Variants in PFKM observed in about 807,000 individuals in gnomAD.
The protein encoded by PFKM is phosphofructokinase, muscle.
A neutral mutation model predicts 95.5 loss-of-function variants in PFKM; 58 were observed. That is an observed-to-expected ratio of 0.61 (90% CI 0.49 to 0.76). The LOEUF (loss-of-function observed/expected upper bound fraction) is 0.76, where lower values mean the gene tolerates loss of function less well. PFKM is among the 30% of genes least tolerant of loss of function. The probability of loss-of-function intolerance (pLI) is 0.00; values close to 1 mark genes in which losing one functional copy is unlikely to be tolerated. For missense variants in PFKM, 678 were observed against 1,005.4 expected (o/e 0.67, Z 4.40); for synonymous variants, 336 against 357.2 (o/e 0.94, Z 0.67).
chr12:48,141,168 G>A (rs143113071), intron 14 of PFKM, 143 bp from the exon 15 acceptor site: 50 of 795,810 alleles, frequency 6.3e-5, no homozygotes, highest in East Asian at 5.3e-4. Flanking sequence ...AGTTGAGTGC[G>A]TGGGGAAAAG....
intron 4 of PFKM, chr12:48,132,081 T>C (rs774422062): frequency 8.8e-6 from 4 of 455,938 alleles, no homozygotes; most frequent in Non-Finnish European, 1.8e-5. Flanking sequence ...AGGCTCTACC[T>C]AGGTGCTAAG....
At position 48,145,090 on chromosome 12, in the gene PFKM, G is replaced by A; in HGVS notation, c.2052G>A (p.Met684Ile). ...CCACTAAGATGGGCGCCAAGGCTATGAACTGGATGTCTGGGAAAATCAAAG... is the reference window on the plus strand; with the variant it reads ...CCACTAAGATGGGCGCCAAGGCTATAAACTGGATGTCTGGGAAAATCAAAG... ...NFATKMGAKA[M>I]NWMSGKIKES... Residue 684 changes from methionine (M) to isoleucine (I), a missense_variant, in exon 21 of 23, where the codon ATG (methionine) becomes ATA (isoleucine). Coordinates refer to ENST00000359794, the MANE Select transcript of PFKM (RefSeq NM_000289.6). The surrounding 1 kb of genome is among the most constrained non-coding windows in gnomAD (Gnocchi z 4.3). The A allele has an allele frequency of 3.1e-6, 5 of 1,614,182 alleles. No individual in the cohort carries two copies. Among genetic ancestry groups the A allele is most frequent in the Non-Finnish European group, 4.2e-6 (5 of 1,180,016 alleles).
At chr12:48,135,637 T>G (rs1374823979) in intron 10 of PFKM, among the ~76,000 whole-genome samples, 1 of 152,216 alleles carries the variant, frequency 6.6e-6, no homozygotes, top group Non-Finnish European at 1.5e-5. Flanking sequence ...GTTTCATATA[T>G]TTTTAATACG....
chr12:48,135,076 T>C (rs767601535), intron 9 of PFKM, 38 bp downstream of exon 9: 4 of 1,462,218 alleles, frequency 2.7e-6, no homozygotes, highest in Admixed American at 1.7e-5. Context: ...TTAGAATCCA[T>C]AGCCCATTCC....
chr12:48,121,159 G>T (rs979246123), intron 1 of PFKM, among the ~76,000 whole-genome samples: 30 of 152,184 alleles, frequency 2.0e-4, no homozygotes, highest in African/African-American at 6.8e-4. Context: ...ATCAGTGAAG[G>T]TTTAATAAGG....
chr12:48,115,952 C>G (rs1366001683), upstream of PFKM, among the ~76,000 whole-genome samples: 2 of 152,082 alleles, frequency 1.3e-5, no homozygotes, highest in South Asian at 2.1e-4. Flanking sequence ...AGGTATATAC[C>G]TAGGAGTGGA....
In PFKM at chr12:48,106,000, C is replaced by G. The variant is rs558353115; in HGVS notation, c.-147C>G. On this transcript the variant is annotated 5_prime_UTR_variant, in exon 1 of 25. Coordinates refer to the PFKM transcript ENST00000340802. ...GGACCAGGCTCCCTCCATCCTCACCCCTCCCCCAGCTTCCCGCCGCCACTC... is the reference window on the plus strand; with the variant it reads ...GGACCAGGCTCCCTCCATCCTCACCGCTCCCCCAGCTTCCCGCCGCCACTC... 41 of 700,772 alleles carry G rather than the reference C, an allele frequency of 5.9e-5. No individual in the cohort carries two copies. The East Asian group carries it at 9.4e-4, about 16-fold the overall frequency. 43.4% of individuals were successfully genotyped at this position (700,772 alleles called of 1,614,324 possible).
chr12:48,143,315 A>C (rs1950739041), intron 18 of PFKM, among the ~76,000 whole-genome samples: 1 of 152,236 alleles, frequency 6.6e-6, no homozygotes, highest in South Asian at 2.1e-4. Flanking sequence ...TGGTTGAGAA[A>C]GTCAGTGATC....
At position 48,131,327 on chromosome 12, in the gene PFKM, C is replaced by T. The variant is rs1949456909; in HGVS notation, c.171C>T (p.Gly57=). The T allele has an allele frequency of 6.2e-7, 1 of 1,611,382 alleles. No individual in the cohort carries two copies. Among genetic ancestry groups the T allele is most frequent in the Non-Finnish European group, 8.5e-7 (1 of 1,177,566 alleles). ...RVFFVHEGYQ[G]LVDGGDHIKE... ...AATGTGTCACACAGGGTTATCAAGG[C>T]CTGGTGGATGGTGGAGATCACATCA... The change falls in exon 4 of 23, where the codon GGC becomes GGT. Residue 57 remains glycine (G), a synonymous_variant. Transcript: ENST00000359794.
At chr12:48,137,699 T>C in intron 10 of PFKM, 22 bp from the exon 11 acceptor site, 1 of 1,614,062 alleles carries the variant, frequency 6.2e-7, no homozygotes, top group Non-Finnish European at 8.5e-7. Context: ...CCAGACTGTC[T>C]TTGTTCTCTG....
Position 48,134,221 on chromosome 12 carries a change from A to G in PFKM, c.594-11A>G, listed in dbSNP as rs770360406. On this transcript the variant is annotated splice_polypyrimidine_tract_variant and intron_variant, in intron 6 of 22. Coordinates refer to ENST00000359794, the MANE Select transcript of PFKM (RefSeq NM_000289.6). ...GTCACTTGGACTGTGTCATATGTCT[A>G]TCTCTTGCAGCCACCAGAGGACATT... 4.3e-5 allele frequency: 69 copies of G among 1,612,938 alleles called. No homozygotes were observed. Among genetic ancestry groups the G allele is most frequent in the Admixed American group, 2.0e-4 (12 of 59,998 alleles).
intron 3 of PFKM, chr12:48,108,342 GAGAGAGAA>G (rs1308673181): frequency 1.7e-6 from 1 of 585,210 alleles, no homozygotes; most frequent in African/African-American, 1.9e-5. Context: ...GAAACAGAGA[GAGAGAGAA>G]AGAGAGAGAG....
chr12:48,135,095 T>C (rs2135921409), intron 9 of PFKM, 57 bp downstream of exon 9: 2 of 1,364,952 alleles, frequency 1.5e-6, no homozygotes, highest in Non-Finnish European at 2.1e-6. Context: ...CCCTTCTGGC[T>C]TCTGAGTCTC....
chr12:48,113,743 A>G (rs970245742), intron 3 of PFKM, among the ~76,000 whole-genome samples: 2 of 152,160 alleles, frequency 1.3e-5, no homozygotes, highest in East Asian at 1.9e-4. Flanking sequence ...CCTCTACTCT[A>G]TTATTGTACA....
At chr12:48,113,120 G>A (rs941755135) in intron 3 of PFKM, among the ~76,000 whole-genome samples, 2 of 152,152 alleles carry the variant, frequency 1.3e-5, no homozygotes, top group Non-Finnish European at 2.9e-5. Flanking sequence ...CAAGGGAACT[G>A]GGCAGGTGGG....
chr12:48,112,692 G>A (rs189805350), intron 3 of PFKM, among the ~76,000 whole-genome samples: 10 of 152,300 alleles, frequency 6.6e-5, no homozygotes, highest in Admixed American at 3.3e-4. Flanking sequence ...GGCACCACGG[G>A]GTGGATAAGC....
chr12:48,123,491 A>G (rs1003591764), intron 2 of PFKM, among the ~76,000 whole-genome samples: 3 of 152,058 alleles, frequency 2.0e-5, no homozygotes, highest in African/African-American at 7.3e-5. Context: ...AAAATTAGGT[A>G]TATAGGAAAC....
intron 2 of PFKM, among the ~76,000 whole-genome samples, chr12:48,129,506 C>T (rs137886774): frequency 3.5e-3 from 531 of 152,246 alleles, no homozygotes; most frequent in South Asian, 9.5e-3. Flanking sequence ...GCCAGGAGAA[C>T]GCAGTGAGAG....
chr12:48,107,284 A>C, intron 1 of PFKM: 1 of 839,138 alleles, frequency 1.2e-6, no homozygotes, highest in Admixed American at 1.7e-5. Context: ...AGTAGTCATG[A>C]GTGTAGCTGG....
Sources: allele counts gnomAD v4.1 joint callset (sites outside exome capture counted in the v4.1 genomes callset), GRCh38; gene constraint gnomAD v4.1.1; non-coding constraint Gnocchi (gnomAD v3.1); transcripts MANE v1.5; gene names NCBI Gene and HGNC (gene_info 2026-07-23, HGNC 2026-07-21).